Variants in GLG1 observed in about 807,000 individuals in gnomAD.
GLG1 encodes the protein Golgi apparatus protein 1.
GLG1 carries 38 observed loss-of-function variants against 160.5 expected under a neutral mutation model. The observed-to-expected ratio is 0.24, with a 90% CI of 0.18 to 0.31. The LOEUF is 0.31. Ranked by LOEUF, GLG1 falls within the 10% of genes least tolerant of loss-of-function variation. The probability of loss-of-function intolerance (pLI) is 1.00; values close to 1 mark genes in which losing one functional copy is unlikely to be tolerated. For synonymous variants in GLG1, 644 were observed against 543.4 expected (o/e 1.19, Z -2.57); for missense variants, 1,373 against 1,505.2 (o/e 0.91, Z 1.45).
intron 9 of GLG1, 51 bp downstream of exon 9, chr16:74,485,745 G>A: frequency 6.5e-7 from 1 of 1,545,658 alleles, no homozygotes; most frequent in East Asian, 2.3e-5. Flanking sequence ...TGTTCCCTGT[G>A]CTGCCAAATG....
intron 1 of GLG1, among the ~76,000 whole-genome samples, chr16:74,568,372 A>G (rs1042433222): frequency 2.0e-5 from 3 of 151,384 alleles, no homozygotes; most frequent in African/African-American, 4.9e-5. Flanking sequence ...TTTTACTTAA[A>G]TCTCACTCTG....
intron 14 of GLG1, 47 bp downstream of exon 14, chr16:74,472,302 T>C (rs1306250202): frequency 5.5e-6 from 7 of 1,283,580 alleles, no homozygotes; most frequent in Non-Finnish European, 8.0e-6. Context: ...AGAGTCCCTG[T>C]CAATTTGTTT....
At chr16:74,469,336 C>G (rs373795693) in intron 16 of GLG1, 3 of 468,292 alleles carry the variant, frequency 6.4e-6, no homozygotes, top group Non-Finnish European at 1.2e-5. Flanking sequence ...AGTTCAACAT[C>G]TGTGTTAAAA....
chr16:74,514,000 G>C (rs143667513), intron 2 of GLG1, among the ~76,000 whole-genome samples: 1 of 152,166 alleles, frequency 6.6e-6, no homozygotes, highest in Admixed American at 6.5e-5. Flanking sequence ...GCATACGTAA[G>C]CTTCAATAGT....
chr16:74,483,870 AG>A (rs1486070588), intron 9 of GLG1, among the ~76,000 whole-genome samples: 2 of 152,138 alleles, frequency 1.3e-5, no homozygotes, highest in African/African-American at 2.4e-5. Flanking sequence ...TGTGTTAGCC[AG>A]GATGGTCTCG....
rs746505292 is a variant in GLG1 at position 74,469,060 on chromosome 16, C to T, written c.2322G>A (p.Val774=). The change falls in exon 17 of 26, where the codon GTG becomes GTA. Residue 774 remains valine, a synonymous_variant. Transcript: ENST00000422840. ...LKLCPNIKKK[V]DVVICLSTTV... ...TCGTGCTCAGGCAGATCACCACGTC[C>T]ACCCTGCAGACGAAAGAAGCTTGAG... The T allele has an allele frequency of 1.2e-6, 2 of 1,611,340 alleles. No individual in the cohort carries two copies. The highest frequency in any genetic ancestry group is 1.7e-6 in the Non-Finnish European group (2 of 1,177,394).
chr16:74,550,295 T>C (rs1385927756), intron 1 of GLG1, among the ~76,000 whole-genome samples: 5 of 152,108 alleles, frequency 3.3e-5, no homozygotes, highest in African/African-American at 9.7e-5. Context: ...TGTGGCCAAA[T>C]GTTAAAGCTG....
chr16:74,541,046 C>T (rs947148310), intron 1 of GLG1, among the ~76,000 whole-genome samples: 2 of 152,158 alleles, frequency 1.3e-5, no homozygotes, highest in Non-Finnish European at 2.9e-5. Context: ...AATTCTTCTG[C>T]CGGGTGTGGT....
chr16:74,569,126 G>A (rs2018745694), intron 1 of GLG1, among the ~76,000 whole-genome samples: 1 of 152,150 alleles, frequency 6.6e-6, no homozygotes, highest in East Asian at 1.9e-4. Context: ...CATCTCAAAA[G>A]GCTACACCCT....
intron 15 of GLG1, among the ~76,000 whole-genome samples, chr16:74,470,399 C>CTCCT (rs1031933978): frequency 3.4e-5 from 5 of 146,002 alleles, no homozygotes. Context: ...CCTTCCCTCC[C>CTCCT]TCCTTCCATC....
At chr16:74,539,757 C>T (rs1266368193) in intron 1 of GLG1, among the ~76,000 whole-genome samples, 2 of 147,974 alleles carry the variant, frequency 1.4e-5, no homozygotes, top group Non-Finnish European at 3.0e-5. Context: ...GACTCCCTGA[C>T]AGAAAGATCC....
At chr16:74,595,806 AT>A (rs1417415254) in intron 1 of GLG1, among the ~76,000 whole-genome samples, 5 of 152,152 alleles carry the variant, frequency 3.3e-5, no homozygotes, top group African/African-American at 7.2e-5. Context: ...ATATATCGAA[AT>A]TTTTTTTAAG....
intron 2 of GLG1, among the ~76,000 whole-genome samples, chr16:74,517,101 C>T (rs2017002380): frequency 6.6e-6 from 1 of 152,200 alleles, no homozygotes; most frequent in Non-Finnish European, 1.5e-5. Context: ...CAGGTGGACT[C>T]ACGGCCGAAT....
intron 1 of GLG1, among the ~76,000 whole-genome samples, chr16:74,566,969 T>C (rs1266674214): frequency 2.6e-5 from 4 of 152,142 alleles, no homozygotes; most frequent in Admixed American, 2.0e-4. Flanking sequence ...ACGCAAAGAA[T>C]ATAGATATCA....
At chr16:74,549,227 T>G (rs2018132458) in intron 1 of GLG1, among the ~76,000 whole-genome samples, 1 of 151,780 alleles carries the variant, frequency 6.6e-6, no homozygotes, top group African/African-American at 2.4e-5. Flanking sequence ...ATGCTTTCTA[T>G]CTCTCTAGTA....
At position 74,466,770 on chromosome 16, in the gene GLG1, A is replaced by G. The variant is rs115195841; in HGVS notation, c.2530-957T>C. Reference sequence around the variant, plus strand: ...AACTTGATTGGTGGTCTCCTGGAGCAGAATGGACAAAGCTGAAGAATAAAT... The same window carrying G: ...AACTTGATTGGTGGTCTCCTGGAGCGGAATGGACAAAGCTGAAGAATAAAT... On this transcript the variant is annotated intron_variant, in intron 18 of 25. Coordinates refer to ENST00000422840, the MANE Select transcript of GLG1 (RefSeq NM_001145667.2). Among the ~76,000 whole-genome samples, 552 of 152,352 alleles carry G rather than the reference A, an allele frequency of 3.6e-3. 1 individual carries two copies. Among genetic ancestry groups the G allele is most frequent in the African/African-American group, 0.013 (531 of 41,582 alleles).
At chr16:74,457,755 T>C (rs545553902) in intron 24 of GLG1, 119 bp downstream of exon 24, 133 of 864,978 alleles carry the variant, frequency 1.5e-4, no homozygotes, top group Admixed American at 2.8e-4. Context: ...ATGTTGTCTA[T>C]GACTGGGCTA....
intron 1 of GLG1, among the ~76,000 whole-genome samples, chr16:74,567,554 CTTTTTTTTTTTTT>C (rs869140658): frequency 1.4e-4 from 9 of 66,454 alleles, no homozygotes; most frequent in East Asian, 4.4e-4. Context: ...GGTGCACTTT[CTTTTTTTTTTTTT>C]TTTTTTTTTT....
At chr16:74,484,060 T>C (rs1179063387) in intron 9 of GLG1, among the ~76,000 whole-genome samples, 2 of 152,136 alleles carry the variant, frequency 1.3e-5, no homozygotes, top group African/African-American at 4.8e-5. Context: ...TCTGTAGCAG[T>C]TCTTCCTTCT....
Sources: gnomAD v4.1 joint callset for allele counts (sites outside exome capture counted in the v4.1 genomes callset) on GRCh38, gnomAD v4.1.1 for gene constraint, MANE v1.5 for transcripts, NCBI Gene and HGNC (gene_info 2026-07-23, HGNC 2026-07-21) for gene names.